The following ZMYM2 variants were observed in gnomAD, a reference collection of about 807,000 sequenced individuals.
The protein encoded by ZMYM2 is zinc finger MYM-type containing 2.
A neutral mutation model predicts 162.8 loss-of-function variants in ZMYM2; 56 were observed. The ratio of observed to expected loss-of-function variants is 0.34; its 90% CI spans 0.28 to 0.43. ZMYM2 has a LOEUF of 0.43. Among genes scored for constraint, ZMYM2 ranks in the 20% least tolerant of loss-of-function variants. ZMYM2 has a pLI of 1.00. For missense variants in ZMYM2, 1,275 were observed against 1,621.8 expected, an observed-to-expected ratio of 0.79 and a Z score of 3.67; for synonymous variants, 510 against 541.6, an observed-to-expected ratio of 0.94 and a Z score of 0.81.
chr13:19,952,236 G>A, the ZMYM2 span, among the ~76,000 whole-genome samples: 3 of 152,096 alleles, frequency 2.0e-5, no homozygotes, highest in African/African-American at 4.8e-5. Context: ...TGGGGTGGTG[G>A]CATGAGAGTT....
upstream of ZMYM2, among the ~76,000 whole-genome samples, chr13:19,956,836 A>C (rs895995616): frequency 1.3e-5 from 2 of 152,196 alleles, no homozygotes; most frequent in Non-Finnish European, 2.9e-5. Flanking sequence ...CAGAAAAGGA[A>C]TGATGTAAGT....
chr13:19,948,295 A>T, the ZMYM2 span, among the ~76,000 whole-genome samples: 3 of 152,230 alleles, frequency 2.0e-5, no homozygotes, highest in Admixed American at 6.5e-5. Flanking sequence ...AAACCCTTGC[A>T]CATGGGTATT....
upstream of ZMYM2, among the ~76,000 whole-genome samples, chr13:19,958,232 A>G (rs1954694644): frequency 1.3e-5 from 2 of 152,094 alleles, no homozygotes; most frequent in Admixed American, 1.3e-4. Flanking sequence ...GGGGCCTTCA[A>G]GCAACTGGAC....
chr13:20,016,814 GTC>G (rs1164090462), intron 6 of ZMYM2, among the ~76,000 whole-genome samples: 1 of 152,078 alleles, frequency 6.6e-6, no homozygotes, highest in Non-Finnish European at 1.5e-5. Flanking sequence ...CTTATTGTGT[GTC>G]TCTGAGTTTA....
chr13:19,968,296 G>A lies in ZMYM2; in HGVS notation c.-11+8270G>A, dbSNP rs1018824375. On this transcript the variant is annotated intron_variant, in intron 2 of 24. Transcript: ENST00000610343. ...TTGCTCTTCTTGCTCAAGCTGGAGC[G>A]CAATGGTGTGATCTCGGTCCACTGC... Among the ~76,000 whole-genome samples, 9 of 152,124 alleles carry A rather than the reference G, an allele frequency of 5.9e-5. No individual in the cohort carries two copies. In the East Asian group the frequency reaches 7.7e-4, roughly 13 times the overall value.
the ZMYM2 span, among the ~76,000 whole-genome samples, chr13:19,953,422 C>T: frequency 7.9e-5 from 12 of 152,172 alleles, no homozygotes; most frequent in East Asian, 5.8e-4. Context: ...CGGTGGCTCA[C>T]GCCTGTAATC....
intron 2 of ZMYM2, among the ~76,000 whole-genome samples, chr13:19,975,262 C>T (rs549426376): frequency 1.3e-5 from 2 of 151,800 alleles, no homozygotes; most frequent in South Asian, 2.1e-4. Context: ...AGTACATTCA[C>T]AGTTTCTTGT....
chr13:19,941,894 G>A, the ZMYM2 span, among the ~76,000 whole-genome samples: 2 of 151,576 alleles, frequency 1.3e-5, no homozygotes, highest in South Asian at 4.2e-4. Context: ...CGCCAGGTGT[G>A]TGCCACCACA....
chr13:19,982,593 G>C (rs934479962), intron 2 of ZMYM2, among the ~76,000 whole-genome samples: 2 of 152,090 alleles, frequency 1.3e-5, no homozygotes, highest in African/African-American at 4.8e-5. Context: ...GAGAAGAGAT[G>C]CTGCTATTAG....
intron 14 of ZMYM2, among the ~76,000 whole-genome samples, chr13:20,053,288 T>G (rs772272826): frequency 5.3e-5 from 8 of 152,204 alleles, no homozygotes; most frequent in East Asian, 1.9e-4. Context: ...GGTTCCTAGC[T>G]CTGACTACTC....
At chr13:19,991,284 T>C (rs369070978) in intron 2 of ZMYM2, among the ~76,000 whole-genome samples, 5 of 152,162 alleles carry the variant, frequency 3.3e-5, no homozygotes, top group African/African-American at 4.8e-5. Context: ...TGGCTGACTT[T>C]TAAATTTTAG....
At chr13:20,031,122 AAATTT>A (rs921085544) in intron 9 of ZMYM2, among the ~76,000 whole-genome samples, 192 bp from the exon 10 acceptor site, 105 of 152,306 alleles carry the variant, frequency 6.9e-4, no homozygotes, top group African/African-American at 2.4e-3. Flanking sequence ...GTTAAAAATT[AAATTT>A]AATTTCAATT....
chr13:19,951,575 G>T, the ZMYM2 span, among the ~76,000 whole-genome samples: 1 of 149,370 alleles, frequency 6.7e-6, no homozygotes. Context: ...CGTGGTGTGC[G>T]CATGTAATTC....
chr13:20,037,878 G>A (rs1363206156), intron 12 of ZMYM2, among the ~76,000 whole-genome samples: 1 of 152,100 alleles, frequency 6.6e-6, no homozygotes, highest in Non-Finnish European at 1.5e-5. Context: ...ATGTTGTACT[G>A]ATTATTTTAT....
chr13:19,902,270 T>C, the ZMYM2 span, among the ~76,000 whole-genome samples: 2 of 152,210 alleles, frequency 1.3e-5, no homozygotes, highest in Admixed American at 1.3e-4. Context: ...TTTGGTTTAA[T>C]GGGCATAGCT....
chr13:20,047,850 T>A (rs1240795539), intron 12 of ZMYM2, among the ~76,000 whole-genome samples: 1 of 152,108 alleles, frequency 6.6e-6, no homozygotes. Context: ...AAAATTAACG[T>A]ATTTTTCTTC....
At chr13:20,030,398 ATT>A (rs537381497) in intron 9 of ZMYM2, among the ~76,000 whole-genome samples, 2 of 115,160 alleles carry the variant, frequency 1.7e-5, no homozygotes, top group African/African-American at 3.5e-5. Flanking sequence ...TGCTCAGCTA[ATT>A]TTTTTTTTTT....
chr13:19,899,816 C>CAAAAAAAAAAAAAAAAAAAA, the ZMYM2 span, among the ~76,000 whole-genome samples: 11 of 64,992 alleles, frequency 1.7e-4, no homozygotes, highest in Non-Finnish European at 2.1e-4. Flanking sequence ...GACTCTGACT[C>CAAAAAAAAAAAAAAAAAAAA]AAAAAAAAAA....
the ZMYM2 span, among the ~76,000 whole-genome samples, chr13:19,879,534 C>G: frequency 6.6e-6 from 1 of 152,158 alleles, no homozygotes; most frequent in Non-Finnish European, 1.5e-5. Context: ...CAGTACCATA[C>G]TTCTTTGATT....
Sources: allele counts gnomAD v4.1 joint callset (sites outside exome capture counted in the v4.1 genomes callset), GRCh38; gene constraint gnomAD v4.1.1; transcripts MANE v1.5; gene names NCBI Gene and HGNC (gene_info 2026-07-23, HGNC 2026-07-21).